The following PATJ variants were observed in gnomAD, a reference collection of about 807,000 sequenced individuals.
PATJ encodes the protein PATJ crumbs cell polarity complex component.
Under a neutral mutation model 224.9 loss-of-function variants are expected in PATJ, and 190 were observed. The observed-to-expected ratio is 0.84, with a 90% confidence interval of 0.75 to 0.95. PATJ has a LOEUF of 0.95. Ranked by LOEUF, PATJ falls within the 40% of genes least tolerant of loss-of-function variation. The probability of loss-of-function intolerance (pLI) is 0.00; values close to 1 mark genes in which losing one functional copy is unlikely to be tolerated. For missense variants in PATJ, 2,121 were observed against 2,270.3 expected, an observed-to-expected ratio of 0.93 and a Z score of 1.34; for synonymous variants, 769 against 820.3, an observed-to-expected ratio of 0.94 and a Z score of 1.07.
In PATJ at chr1:61,985,768, G is replaced by A. The variant is rs1021978919; in HGVS notation, c.3671-4400G>A. Reference sequence around the variant, plus strand: ...CTTCCTCTAATGGTTCCCGCCAGAGGACTGTGTGGCTTTTCTTCATGCCAT... The same window carrying A: ...CTTCCTCTAATGGTTCCCGCCAGAGAACTGTGTGGCTTTTCTTCATGCCAT... On this transcript the variant is annotated intron_variant, in intron 27 of 43. Transcript: ENST00000642238. Among the ~76,000 whole-genome samples the A allele has an allele frequency of 2.0e-5, 3 of 152,008 alleles. No homozygotes were observed. In the East Asian group the frequency reaches 5.8e-4, roughly 29 times the overall value.
At chr1:62,117,989 G>T (rs1303502168) in intron 37 of PATJ, among the ~76,000 whole-genome samples, 1 of 152,028 alleles carries the variant, frequency 6.6e-6, no homozygotes, top group Non-Finnish European at 1.5e-5. Context: ...CCTCTCCAAG[G>T]CCTTTGTTCA....
rs918564981 is a variant in PATJ at position 61,748,980 on chromosome 1, AT to A, written c.-36+6435del. On this transcript the variant is annotated intron_variant, in intron 1 of 43. Transcript: ENST00000642238. ...GTGTTTGCAGTATACATATGAAGTA[AT>A]TTTTTTTTTCTTTTTTTTCTCCTGA... is the stretch of plus-strand genomic sequence containing the variant. Among the ~76,000 whole-genome samples the A allele has an allele frequency of 3.2e-3, 480 of 149,836 alleles. 1 individual carries two copies. The highest frequency in any genetic ancestry group is 0.01 in the Middle Eastern group (3 of 288).
At chr1:62,026,948 G>T (rs1648073756) in intron 29 of PATJ, among the ~76,000 whole-genome samples, 1 of 152,170 alleles carries the variant, frequency 6.6e-6, no homozygotes, top group Admixed American at 6.5e-5. Flanking sequence ...GTAGCCAAAA[G>T]GTGGGAGCAA....
intron 7 of PATJ, among the ~76,000 whole-genome samples, chr1:61,783,341 G>T (rs1338492691): frequency 6.6e-6 from 1 of 151,880 alleles, no homozygotes; most frequent in Non-Finnish European, 1.5e-5. Context: ...AATAAAACTG[G>T]CCTGGAATCA....
chr1:62,156,054 T>TA (rs34300724), intron 43 of PATJ, among the ~76,000 whole-genome samples: 1,760 of 43,028 alleles, frequency 0.041, 285 homozygotes, highest in African/African-American at 0.11. Context: ...CAAGACTCTG[T>TA]AAAAAAAAAA....
chr1:62,080,370 C>CA (rs2148733233), intron 32 of PATJ, among the ~76,000 whole-genome samples: 1 of 151,896 alleles, frequency 6.6e-6, no homozygotes, highest in African/African-American at 2.4e-5. Flanking sequence ...CTCATTCTGT[C>CA]ACCCAGGCTG....
intron 31 of PATJ, among the ~76,000 whole-genome samples, chr1:62,060,902 G>T (rs137857864): frequency 6.6e-6 from 1 of 152,290 alleles, no homozygotes; most frequent in African/African-American, 2.4e-5. Context: ...ACGTTGGCCA[G>T]GCTGGTCTCC....
At chr1:61,958,434 CATTAT>C (rs748427717) in intron 27 of PATJ, among the ~76,000 whole-genome samples, 1 of 152,076 alleles carries the variant, frequency 6.6e-6, no homozygotes, top group Non-Finnish European at 1.5e-5. Flanking sequence ...TATAGAATAT[CATTAT>C]ATTATATTAT....
chr1:61,834,491 A>T (rs972311018), intron 17 of PATJ, among the ~76,000 whole-genome samples: 4 of 152,166 alleles, frequency 2.6e-5, no homozygotes, highest in African/African-American at 9.7e-5. Flanking sequence ...TCTACCAGTT[A>T]CTGTCATATA....
At position 62,006,395 on chromosome 1, in the gene PATJ, C is replaced by G. The variant is rs1037007982; in HGVS notation, c.3868-11461C>G. On this transcript the variant is annotated intron_variant, in intron 28 of 43. Transcript: ENST00000642238. ...CCTCCAAAAGTGCTAGGAGTACAGG[C>G]GTGAGCCACCGTGTTCAGCCCAGTA... Among the ~76,000 whole-genome samples, 3 of 152,188 alleles carry G rather than the reference C, an allele frequency of 2.0e-5. No individual in the cohort carries two copies. In the South Asian group the frequency reaches 6.2e-4, roughly 32 times the overall value.
intron 28 of PATJ, chr1:62,013,301 C>T: frequency 1.0e-6 from 1 of 972,472 alleles, no homozygotes; most frequent in Non-Finnish European, 1.2e-6. Flanking sequence ...CCTACATGCT[C>T]AAGCGTTTTG....
chr1:62,075,728 C>T (rs1257566274), intron 31 of PATJ, among the ~76,000 whole-genome samples: 2 of 152,060 alleles, frequency 1.3e-5, no homozygotes, highest in Non-Finnish European at 2.9e-5. Flanking sequence ...ACCATTCTCA[C>T]TAACACGGTG....
chr1:61,884,109 A>T, intron 21 of PATJ, 128 bp from the exon 22 acceptor site: 1 of 527,960 alleles, frequency 1.9e-6, no homozygotes, highest in Non-Finnish European at 3.3e-6. Flanking sequence ...TTATTTATTT[A>T]CTTTAATATT....
intron 41 of PATJ, among the ~76,000 whole-genome samples, chr1:62,132,915 A>C (rs1286056046): frequency 6.6e-6 from 1 of 152,196 alleles, no homozygotes; most frequent in Non-Finnish European, 1.5e-5. Context: ...ATTAAAAAAA[A>C]AAAATTACAT....
intron 37 of PATJ, among the ~76,000 whole-genome samples, chr1:62,118,932 G>T (rs1028115658): frequency 6.6e-6 from 1 of 151,292 alleles, no homozygotes; most frequent in Non-Finnish European, 1.5e-5. Flanking sequence ...GCGCCCAGCC[G>T]CATCTTCATA....
chr1:62,036,671 A>G (rs1230769673), intron 29 of PATJ, among the ~76,000 whole-genome samples: 2 of 152,018 alleles, frequency 1.3e-5, no homozygotes, highest in Admixed American at 6.6e-5. Flanking sequence ...CATTGAACTC[A>G]CATTGGAGGG....
rs183501653 is a variant in PATJ at position 62,157,797 on chromosome 1, G to A, written c.5503-3111G>A. 3.2e-5 allele frequency among the ~76,000 whole-genome samples: 4 copies of A among 126,538 alleles called. No homozygotes were observed. In the East Asian group the frequency reaches 9.6e-4, roughly 30 times the overall value. The allele number at this position is 126,538 out of a possible 152,430, so 83.0% of individuals were successfully genotyped here. The stretch of plus-strand genomic sequence containing the variant: ...AGTTAGCCAAGATCATGCCATTGCA[G>A]TCCAGCCTGGGCAACAGAGTGAGAC... On this transcript the variant is annotated intron_variant, in intron 43 of 43. Transcript: ENST00000642238.
intron 34 of PATJ, 42 bp downstream of exon 34, chr1:62,108,562 T>C (rs1328097057): frequency 1.6e-6 from 2 of 1,226,522 alleles, no homozygotes; most frequent in Non-Finnish European, 2.4e-6. Context: ...TAAATGTGGT[T>C]CCTTTGCTGG....
intron 14 of PATJ, among the ~76,000 whole-genome samples, chr1:61,814,028 TTTAA>T (rs995890652): frequency 6.6e-6 from 1 of 152,100 alleles, no homozygotes; most frequent in African/African-American, 2.4e-5. Flanking sequence ...TTTAAAAACA[TTTAA>T]TTAATTGAAA....
Sources: gnomAD v4.1 joint callset for allele counts (sites outside exome capture counted in the v4.1 genomes callset) on GRCh38, gnomAD v4.1.1 for gene constraint, MANE v1.5 for transcripts, NCBI Gene and HGNC (gene_info 2026-07-23, HGNC 2026-07-21) for gene names.